The following WHRN variants were observed in gnomAD, a reference collection of about 807,000 sequenced individuals.
WHRN encodes whirlin.
Under a neutral mutation model 68.3 loss-of-function variants are expected in WHRN, and 41 were observed. The observed-to-expected ratio is 0.60, with a 90% CI of 0.47 to 0.78. WHRN has a LOEUF of 0.78. Ranked by LOEUF, WHRN falls within the 30% of genes least tolerant of loss-of-function variation. The probability of loss-of-function intolerance (pLI) is 0.00; values close to 1 mark genes in which losing one functional copy is unlikely to be tolerated. For missense variants in WHRN, 1,243 were observed against 1,244.7 expected (o/e 1.00, Z 0.02); for synonymous variants, 560 against 561.3 (o/e 1.00, Z 0.03).
chr9:114,464,000 A>T (rs10817616), intron 3 of WHRN, among the ~76,000 whole-genome samples: 42,119 of 152,012 alleles, frequency 0.28, 6,065 homozygotes, highest in Admixed American at 0.36. Context: ...CAAAGGGTAA[A>T]TGCTTGAGGG....
chr9:114,452,449 G>A (rs1839420384), intron 3 of WHRN, among the ~76,000 whole-genome samples: 1 of 152,214 alleles, frequency 6.6e-6, no homozygotes, highest in African/African-American at 2.4e-5. Flanking sequence ...GTAAGTATCC[G>A]GGAAATTGTT....
At position 114,481,552 on chromosome 9, in the gene WHRN, C is replaced by G. The variant is rs113132587; in HGVS notation, c.619-2781G>C. ...CGTCAGCAGAAGCCTCTGAGGCCAC[C>G]ACATCCTCCATGGCCCCTGTCTTCC... On this transcript the variant is annotated intron_variant, in intron 1 of 11. Transcript: ENST00000362057. 3.0e-3 allele frequency among the ~76,000 whole-genome samples: 452 copies of G among 152,246 alleles called. 1 individual carries two copies. Among genetic ancestry groups the G allele is most frequent in the African/African-American group, 0.011 (436 of 41,520 alleles).
chr9:114,481,193 C>A lies in WHRN; in HGVS notation c.619-2422G>T, dbSNP rs980046997. Among the ~76,000 whole-genome samples the A allele has an allele frequency of 7.2e-5, 11 of 152,270 alleles. 1 individual carries two copies. The highest frequency in any genetic ancestry group is 2.6e-4 in the African/African-American group (11 of 41,554). ...GGGAGCCCTGGCTAGGCAAGGCCTG[C>A]GGGAAGAGGCAAGTCCCTGACATTT... On this transcript the variant is annotated intron_variant, in intron 1 of 11. Transcript: ENST00000362057.
At chr9:114,462,403 T>C (rs1195947290) in intron 3 of WHRN, among the ~76,000 whole-genome samples, 3 of 152,122 alleles carry the variant, frequency 2.0e-5, no homozygotes, top group Non-Finnish European at 2.9e-5. Flanking sequence ...TCCTCGGAGA[T>C]CATCTAGCCC....
In WHRN at chr9:114,404,222, C is replaced by T. The variant is rs1241520820; in HGVS notation, c.2237-145G>A. 7 of 922,868 alleles carry T rather than the reference C, an allele frequency of 7.6e-6. No homozygotes were observed. In the African/African-American group the frequency reaches 9.8e-5, roughly 13 times the overall value. The allele number at this position is 922,868 out of a possible 1,614,324, so 57.2% of individuals were successfully genotyped here. A position where few individuals can be genotyped will look rare whatever the true frequency, so the allele number is the denominator to read the frequency against. ...GGGAAGGAATGAAGAGATCGTGGGG[C>T]CAGAGGGCAGGTCCACTCCCTGCCA... On this transcript the variant is annotated intron_variant, in intron 9 of 11. Transcript: ENST00000362057.
At chr9:114,461,169 T>C (rs1208559933) in intron 3 of WHRN, among the ~76,000 whole-genome samples, 3 of 152,246 alleles carry the variant, frequency 2.0e-5, no homozygotes, top group Non-Finnish European at 2.9e-5. Context: ...GAATATTTTT[T>C]CTCTGCCTTG....
At chr9:114,476,259 T>A (rs1418918194) in intron 2 of WHRN, among the ~76,000 whole-genome samples, 1 of 152,096 alleles carries the variant, frequency 6.6e-6, no homozygotes, top group Non-Finnish European at 1.5e-5. Context: ...TGAGCCACTG[T>A]GCCCAGCCCC....
chr9:114,448,373 C>T (rs1839022058), intron 3 of WHRN, among the ~76,000 whole-genome samples: 2 of 151,984 alleles, frequency 1.3e-5, no homozygotes, highest in African/African-American at 4.8e-5. Flanking sequence ...ATCCTGCTGT[C>T]ACCTTGATTT....
At chr9:114,424,816 G>A (rs1368556686) in intron 5 of WHRN, among the ~76,000 whole-genome samples, 172 bp downstream of exon 5, 1 of 152,214 alleles carries the variant, frequency 6.6e-6, no homozygotes, top group Non-Finnish European at 1.5e-5. Flanking sequence ...GCCAGAGGTA[G>A]TGCCCAGAAC....
At chr9:114,449,370 G>T (rs1016472329) in intron 3 of WHRN, among the ~76,000 whole-genome samples, 1 of 152,202 alleles carries the variant, frequency 6.6e-6, no homozygotes, top group African/African-American at 2.4e-5. Context: ...GGTTCACAGG[G>T]ACCCTGAGCA....
chr9:114,405,445 T>C (rs1047220656), intron 9 of WHRN, among the ~76,000 whole-genome samples: 6 of 152,228 alleles, frequency 3.9e-5, no homozygotes, highest in East Asian at 1.9e-4. Flanking sequence ...ACCAACCTCA[T>C]AGGGCTACTG....
At chr9:114,410,873 C>CA (rs1359350881) in intron 7 of WHRN, among the ~76,000 whole-genome samples, 1 of 152,246 alleles carries the variant, frequency 6.6e-6, no homozygotes, top group Non-Finnish European at 1.5e-5. Context: ...GCTGCTCTCT[C>CA]ACTCACTGAT....
intron 1 of WHRN, among the ~76,000 whole-genome samples, chr9:114,492,319 T>C (rs1564227991): frequency 1.3e-5 from 2 of 152,134 alleles, no homozygotes; most frequent in Non-Finnish European, 2.9e-5. Flanking sequence ...TGCTTAAAGA[T>C]GAATGTGCAG....
In WHRN at chr9:114,406,633, G is replaced by A. The variant is rs1423837102; in HGVS notation, c.1958C>T (p.Ser653Phe). The change falls in exon 9 of 12, where the codon TCC becomes TTC. Residue 653 changes from serine (S) to phenylalanine (F), a missense_variant. Ser to Phe is a radical substitution (Grantham distance 155, BLOSUM62 -2). Coordinates refer to ENST00000362057, the MANE Select transcript of WHRN (RefSeq NM_015404.4). The stretch of plus-strand genomic sequence containing the variant: ...GGAGCTGGGGTTGGCAGGGGAGACG[G>A]AGGCATAGATGGGGGAAGAGGGCAA... ...QDLPSSPIYA[S>F]VSPANPSSKR... 2 of 1,612,174 alleles carry A rather than the reference G, an allele frequency of 1.2e-6. No homozygotes were observed. The highest frequency in any genetic ancestry group is 8.5e-7 in the Non-Finnish European group (1 of 1,178,608).
In WHRN at chr9:114,423,471, C is replaced by A. The variant is rs587776360; in HGVS notation, c.1469G>T (p.Arg490Leu). Residue 490 changes from arginine to leucine, a missense_variant, in exon 7 of 12, where the codon CGC becomes CTC. Arg to Leu is a moderately radical substitution (Grantham distance 102). Transcript: ENST00000362057. ...ACGCCTCAGCACCAGGTGGTCGAAG[C>A]GTTCTAGGTCTTGCGGGGAAATGGT... ...RGTISPQDLE[R>L]FDHLVLRREI... 7 of 1,613,064 alleles carry A rather than the reference C, an allele frequency of 4.3e-6. No homozygotes were observed. The African/African-American group carries it at 8.0e-5, about 18-fold the overall frequency.
At chr9:114,481,952 T>C (rs1413350461) in intron 1 of WHRN, among the ~76,000 whole-genome samples, 2 of 151,734 alleles carry the variant, frequency 1.3e-5, no homozygotes, top group Non-Finnish European at 2.9e-5. Context: ...TGGTACACAA[T>C]AGGTTTTCAT....
rs1177624878 is a variant in WHRN at position 114,406,581 on chromosome 9, G to C, written c.2010C>G (p.Ala670=). 1 of 1,611,078 alleles carries C rather than the reference G, an allele frequency of 6.2e-7. No individual in the cohort carries two copies. Among genetic ancestry groups the C allele is most frequent in the Non-Finnish European group, 8.5e-7 (1 of 1,177,868 alleles). ...GGCCGATGGGGTGTTGGTTGACCAG[G>C]GCCAGATGGGCGTCCAGCGGCCTCT... ...SSKRPLDAHL[A]LVNQHPIGPF... is the part of the protein sequence containing the mutation. Residue 670 remains alanine (A), a synonymous_variant, in exon 9 of 12, where the codon GCC becomes GCG. Coordinates refer to ENST00000362057, the MANE Select transcript of WHRN (RefSeq NM_015404.4).
chr9:114,468,821 C>T (rs1236923960), intron 2 of WHRN, among the ~76,000 whole-genome samples: 3 of 152,226 alleles, frequency 2.0e-5, no homozygotes, highest in African/African-American at 7.2e-5. Context: ...CTGACCCATC[C>T]TGCCCCAGTG....
Position 114,403,329 on chromosome 9 carries a change from A to G in WHRN, c.2429T>C (p.Leu810Pro), listed in dbSNP as rs1386925668. 1 of 1,614,040 alleles carries G rather than the reference A, an allele frequency of 6.2e-7. No individual in the cohort carries two copies. ...TDGANKPPGL[L>P]EPTSTLVRVK... ...ACGGACCAGAGTGGACGTGGGCTCC[A>G]GAAGTCCAGGCTGTGGGTATTAGGA... Residue 810 changes from leucine (L) to proline (P), a missense_variant, in exon 11 of 12, where the codon CTG becomes CCG. Transcript: ENST00000362057.
Sources: allele counts gnomAD v4.1 joint callset (sites outside exome capture counted in the v4.1 genomes callset), GRCh38; gene constraint gnomAD v4.1.1; transcripts MANE v1.5; gene names NCBI Gene and HGNC (gene_info 2026-07-23, HGNC 2026-07-21).